DPP10: variants seen among roughly 807,000 people sequenced by gnomAD.
DPP10 encodes dipeptidyl peptidase like 10.
Under a neutral mutation model 120.9 loss-of-function variants are expected in DPP10, and 33 were observed. The ratio of observed to expected loss-of-function variants is 0.27; its 90% CI spans 0.21 to 0.37. The LOEUF (loss-of-function observed/expected upper bound fraction) is 0.37. DPP10 is among the 10% of genes least tolerant of loss of function. The probability of loss-of-function intolerance (pLI) is 1.00; values close to 1 mark genes in which losing one functional copy is unlikely to be tolerated. For synonymous variants in DPP10, 337 were observed against 326.1 expected (o/e 1.03, Z -0.36); for missense variants, 816 against 942.8 (o/e 0.87, Z 1.76).
intron 1 of DPP10, among the ~76,000 whole-genome samples, chr2:114,726,334 G>A (rs977824169): frequency 8.6e-5 from 13 of 151,762 alleles, no homozygotes; most frequent in Non-Finnish European, 1.9e-4. Flanking sequence ...TCAAATTGAT[G>A]TCCAGTGCCT....
chr2:115,560,736 A>G (rs1201984586), intron 5 of DPP10, among the ~76,000 whole-genome samples: 1 of 151,784 alleles, frequency 6.6e-6, no homozygotes, highest in East Asian at 2.0e-4. Context: ...TGATACTGTT[A>G]GCATTCAAAA....
intron 1 of DPP10, among the ~76,000 whole-genome samples, chr2:114,678,279 G>A (rs529053905): frequency 2.8e-4 from 43 of 152,138 alleles, no homozygotes; most frequent in African/African-American, 1.0e-3. Flanking sequence ...TCTGGATTAG[G>A]TGAGTTTTTC....
At chr2:115,490,611 T>C (rs1045761687) in intron 3 of DPP10, among the ~76,000 whole-genome samples, 5 of 152,202 alleles carry the variant, frequency 3.3e-5, no homozygotes, top group African/African-American at 1.2e-4. Context: ...TGGTCACTAA[T>C]ATTGGCTCAG....
intron 1 of DPP10, among the ~76,000 whole-genome samples, chr2:115,071,054 T>G (rs141612474): frequency 6.6e-6 from 1 of 152,358 alleles, no homozygotes; most frequent in Non-Finnish European, 1.5e-5. Context: ...CTATTTTCTC[T>G]TCATAAATAG....
chr2:115,239,615 T>A (rs535463365), intron 1 of DPP10, among the ~76,000 whole-genome samples: 7 of 152,310 alleles, frequency 4.6e-5, no homozygotes, highest in Non-Finnish European at 7.4e-5. Context: ...AACTTTTTTT[T>A]ATTATACTTT....
chr2:115,383,377 G>A (rs1302099769), intron 3 of DPP10, among the ~76,000 whole-genome samples: 1 of 152,162 alleles, frequency 6.6e-6, no homozygotes, highest in East Asian at 1.9e-4. Context: ...TTCACTTTCT[G>A]CCATGATTGT....
At chr2:114,945,147 G>A (rs13007320) in intron 1 of DPP10, among the ~76,000 whole-genome samples, 104,364 of 152,078 alleles carry the variant, frequency 0.69, 36,108 homozygotes, top group South Asian at 0.76. Flanking sequence ...TCCTAGAAAA[G>A]CGTGAAGCAG....
intron 1 of DPP10, among the ~76,000 whole-genome samples, chr2:115,032,729 AC>A (rs1703926080): frequency 6.6e-6 from 1 of 151,792 alleles, no homozygotes; most frequent in Admixed American, 6.6e-5. Flanking sequence ...GAAAAAAAAA[AC>A]AAAAATTAGC....
intron 1 of DPP10, among the ~76,000 whole-genome samples, chr2:115,051,067 A>G (rs1705442595): frequency 6.6e-6 from 1 of 152,210 alleles, no homozygotes; most frequent in Non-Finnish European, 1.5e-5. Context: ...CAAAATGTCC[A>G]GTTTTCAACA....
intron 1 of DPP10, among the ~76,000 whole-genome samples, chr2:114,705,366 T>G (rs1009808661): frequency 1.3e-5 from 2 of 152,154 alleles, no homozygotes; most frequent in Non-Finnish European, 2.9e-5. Flanking sequence ...CATTTTTTCA[T>G]AAGTTTATGA....
At chr2:114,838,415 G>A (rs1687904967) in intron 1 of DPP10, among the ~76,000 whole-genome samples, 1 of 151,976 alleles carries the variant, frequency 6.6e-6, no homozygotes, top group Non-Finnish European at 1.5e-5. Flanking sequence ...CCGGATTTGA[G>A]CGACCCTCCC....
At chr2:115,817,800 A>G (rs2150048382) in intron 21 of DPP10, among the ~76,000 whole-genome samples, 1 of 152,306 alleles carries the variant, frequency 6.6e-6, no homozygotes, top group African/African-American at 2.4e-5. Context: ...AGCCTTAGGG[A>G]CATTGTGCTA....
Position 115,113,748 on chromosome 2 carries a change from A to G in DPP10, c.61-195491A>G, listed in dbSNP as rs1573661653. Among the ~76,000 whole-genome samples, 4 of 152,320 alleles carry G rather than the reference A, an allele frequency of 2.6e-5. No individual in the cohort carries two copies. In the South Asian group the frequency reaches 8.3e-4, roughly 32 times the overall value. Reference sequence around the variant, plus strand: ...TTTGGGGCAACATATAACGTTCTACATAGGCTGCTCAAAACTGGAGTTTAC... The same window carrying G: ...TTTGGGGCAACATATAACGTTCTACGTAGGCTGCTCAAAACTGGAGTTTAC... On this transcript the variant is annotated intron_variant, in intron 1 of 25. Transcript: ENST00000410059.
chr2:114,817,314 A>AG (rs1685722023), intron 1 of DPP10, among the ~76,000 whole-genome samples: 1 of 152,176 alleles, frequency 6.6e-6, no homozygotes, highest in South Asian at 2.1e-4. Context: ...AAAAAAAAAA[A>AG]AAGGCTCACA....
intron 4 of DPP10, among the ~76,000 whole-genome samples, chr2:115,516,184 G>A (rs1341153004): frequency 6.6e-6 from 1 of 152,092 alleles, no homozygotes; most frequent in Non-Finnish European, 1.5e-5. Flanking sequence ...GTTCTTGGGA[G>A]ACAGTAAAAT....
At chr2:115,336,375 C>G (rs2063130169) in intron 2 of DPP10, among the ~76,000 whole-genome samples, 1 of 151,988 alleles carries the variant, frequency 6.6e-6, no homozygotes, top group Admixed American at 6.6e-5. Context: ...TACCTTGTAA[C>G]TATTTAACCA....
At chr2:115,571,665 T>C (rs995333115) in intron 5 of DPP10, among the ~76,000 whole-genome samples, 8 of 151,102 alleles carry the variant, frequency 5.3e-5, no homozygotes, top group Non-Finnish European at 1.0e-4. Context: ...TCTCCTTTGT[T>C]CCAAAACAAC....
chr2:115,545,082 A>G (rs1270625687), intron 5 of DPP10, among the ~76,000 whole-genome samples: 1 of 152,078 alleles, frequency 6.6e-6, no homozygotes, highest in Non-Finnish European at 1.5e-5. Flanking sequence ...TGACAAAAAA[A>G]TCTAGGCAGC....
chr2:115,238,113 G>T (rs1286851723), intron 1 of DPP10, among the ~76,000 whole-genome samples: 2 of 152,158 alleles, frequency 1.3e-5, no homozygotes, highest in Admixed American at 6.5e-5. Flanking sequence ...TCTCTTCAAA[G>T]CTTCAAAGGA....
Sources: allele counts gnomAD v4.1 joint callset (sites outside exome capture counted in the v4.1 genomes callset), GRCh38; gene constraint gnomAD v4.1.1; transcripts MANE v1.5; gene names NCBI Gene and HGNC (gene_info 2026-07-23, HGNC 2026-07-21).